The following LGALS12 variants were observed in gnomAD, a reference collection of about 807,000 sequenced individuals.
LGALS12 encodes the protein galectin 12.
A neutral mutation model predicts 36.8 loss-of-function variants in LGALS12; 36 were observed. That is an observed-to-expected ratio of 0.98 (90% CI 0.75 to 1.29). The LOEUF (loss-of-function observed/expected upper bound fraction) is 1.29. Ranked by LOEUF, LGALS12 falls within the 50% of genes most tolerant of loss-of-function variation. The pLI is 0.00. For synonymous variants in LGALS12, 145 were observed against 155.9 expected, an observed-to-expected ratio of 0.93 and a Z score of 0.52; for missense variants, 366 against 394.3, an observed-to-expected ratio of 0.93 and a Z score of 0.61.
At chr11:63,511,238 G>C in intron 6 of LGALS12, 133 bp downstream of exon 6, 1 of 682,168 alleles carries the variant, frequency 1.5e-6, no homozygotes. Context: ...GCAGGCTGTG[G>C]GTGGGCCAGG....
intron 3 of LGALS12, 54 bp downstream of exon 3, chr11:63,509,045 C>A: frequency 7.1e-7 from 1 of 1,406,098 alleles, no homozygotes; most frequent in Non-Finnish European, 1.0e-6. Flanking sequence ...TTGCGCCCTT[C>A]CTTCCCTCAG....
Position 63,511,870 on chromosome 11 carries a change from G to C in LGALS12, c.647+30G>C, listed in dbSNP as rs769379384. On this transcript the variant is annotated intron_variant, in intron 7 of 8. Coordinates refer to ENST00000394618, the MANE Select transcript of LGALS12 (RefSeq NM_033101.4). ...GTATCCAGCATCTAAGTGGAGGGGA[G>C]GGAGCAGCCTCTCTGTGACAGTCAC... The C allele has an allele frequency of 2.1e-6, 3 of 1,398,160 alleles. No individual in the cohort carries two copies. In the South Asian group the frequency reaches 3.5e-5, roughly 16 times the overall value. 86.6% of individuals were successfully genotyped at this position (1,398,160 alleles called of 1,614,324 possible). A position where few individuals can be genotyped will look rare whatever the true frequency, so the allele number is the denominator to read the frequency against.
In LGALS12 at chr11:63,515,786, A is replaced by T. The variant is rs1039548325; in HGVS notation, c.798+73A>T. The T allele has an allele frequency of 2.0e-5, 30 of 1,519,820 alleles. No homozygotes were observed. The African/African-American group carries it at 4.1e-4, about 21-fold the overall frequency. 94.1% of individuals were successfully genotyped at this position (1,519,820 alleles called of 1,614,324 possible). On this transcript the variant is annotated intron_variant, in intron 8 of 8. Coordinates refer to ENST00000394618, the MANE Select transcript of LGALS12 (RefSeq NM_033101.4). ...CTGAAGTCCCATAATGACCTGGGAGATGCTGGGGCAGGTGTGCAGGACAGA... is the reference window on the plus strand; with the variant it reads ...CTGAAGTCCCATAATGACCTGGGAGTTGCTGGGGCAGGTGTGCAGGACAGA...
chr11:63,510,314 G>A, intron 4 of LGALS12, 149 bp from the exon 5 acceptor site: 3 of 764,558 alleles, frequency 3.9e-6, no homozygotes, highest in South Asian at 3.0e-5. Flanking sequence ...GAATTGGGAT[G>A]TTCAAAATGC....
rs2016812719 is a variant in LGALS12 at position 63,508,575 on chromosome 11, T to C, written c.92T>C (p.Ile31Thr). Residue 31 changes from isoleucine (I) to threonine (T), a missense_variant, in exon 2 of 9, where the codon ATT becomes ACT. Coordinates refer to ENST00000394618, the MANE Select transcript of LGALS12 (RefSeq NM_033101.4). ...FHPVVPYVTT[I>T]FGGLHAGKMV... The stretch of plus-strand genomic sequence containing the variant: ...CAGGTGGTTCCTTATGTCACGACGA[T>C]TTTTGGAGGCCTGCATGCAGGCAAG... 6.2e-7 allele frequency: 1 copy of C among 1,614,092 alleles called. No homozygotes were observed.
chr11:63,511,210 C>A, intron 6 of LGALS12, 105 bp downstream of exon 6: 1 of 1,119,544 alleles, frequency 8.9e-7, no homozygotes, highest in Non-Finnish European at 1.3e-6. Flanking sequence ...AGGATTTCCC[C>A]TTCCTTTATA....
In LGALS12 at chr11:63,509,843, G is replaced by C. The variant is rs75807998; in HGVS notation, c.438G>C (p.Thr146=). The part of the protein sequence containing the change: ...RYRLPLSHVD[T]LGIFGDILVE... ...GGCTCCCACTGTCTCATGTGGACAC[G>C]CTGGGTATATTTGGTGACATCCTGG... Residue 146 remains threonine (T), a synonymous_variant, in exon 4 of 9, where the codon ACG becomes ACC. Transcript: ENST00000394618. 7 of 1,614,054 alleles carry C rather than the reference G, an allele frequency of 4.3e-6. No individual in the cohort carries two copies. Among genetic ancestry groups the C allele is most frequent in the Non-Finnish European group, 5.9e-6 (7 of 1,179,900 alleles).
rs538509489 is a variant in LGALS12, at chr11:63,508,245, C to A, written c.70-308C>A. On this transcript the variant is annotated intron_variant, in intron 1 of 8. Transcript: ENST00000394618. ...GGGTGACATCTAGTGGATGGCAAGC[C>A]TCCCTGGGGTCACTGCAGCCTGTTG... is the stretch of plus-strand genomic sequence containing the variant. 4 of 1,221,006 alleles carry A rather than the reference C, an allele frequency of 3.3e-6. No homozygotes were observed. In the African/African-American group the frequency reaches 6.2e-5, roughly 19 times the overall value. The allele number at this position is 1,221,006 out of a possible 1,614,324, so 75.6% of individuals were successfully genotyped here. A position where few individuals can be genotyped will look rare whatever the true frequency, so the allele number is the denominator to read the frequency against.
chr11:63,513,121 A>G (rs1455643166), intron 7 of LGALS12, among the ~76,000 whole-genome samples: 1 of 152,198 alleles, frequency 6.6e-6, no homozygotes, highest in Non-Finnish European at 1.5e-5. Context: ...TTTGTCTCTT[A>G]TAAACAGTGC....
intron 4 of LGALS12, 22 bp downstream of exon 4, chr11:63,509,919 G>T: frequency 1.2e-6 from 2 of 1,611,200 alleles, no homozygotes; most frequent in Non-Finnish European, 1.7e-6. Context: ...TGGGACCAAG[G>T]CCTGGGCAGT....
In LGALS12 at chr11:63,511,080, C is replaced by T. The variant is rs147142589; in HGVS notation, c.533C>T (p.Pro178Leu). Residue 178 changes from proline (P) to leucine (L), a missense_variant and splice_region_variant, in exon 6 of 9, where the codon CCT becomes CTT. Transcript: ENST00000394618. ...EGSREYPAGH[P>L]FLLMSPRLEV... is the part of the protein sequence containing the mutation. ...GTCCTCTCTTTCTTTCCCTGACAGC[C>T]TTTCCTGCTGATGAGCCCCAGGCTG... is the stretch of plus-strand genomic sequence containing the variant. 21 of 1,613,640 alleles carry T rather than the reference C, an allele frequency of 1.3e-5. No homozygotes were observed. The African/African-American group carries it at 2.4e-4, about 18-fold the overall frequency.
rs1271484949 is a variant in LGALS12 at position 63,511,098 on chromosome 11, C to T, written c.551C>T (p.Pro184Leu). The part of the protein sequence containing the change: ...PAGHPFLLMS[P>L]RLEVPCSHAL... Reference sequence around the variant, plus strand: ...TGACAGCCTTTCCTGCTGATGAGCCCCAGGCTGGTGAGTGAACCTCCCTCC... The same window carrying T: ...TGACAGCCTTTCCTGCTGATGAGCCTCAGGCTGGTGAGTGAACCTCCCTCC... Residue 184 changes from proline (P) to leucine (L), a missense_variant, in exon 6 of 9, where the codon CCC (proline) becomes CTC (leucine). Coordinates refer to ENST00000394618, the MANE Select transcript of LGALS12 (RefSeq NM_033101.4). The T allele has an allele frequency of 1.2e-6, 2 of 1,613,650 alleles. No homozygotes were observed. The highest frequency in any genetic ancestry group is 8.5e-7 in the Non-Finnish European group (1 of 1,179,996).
At chr11:63,509,032 T>G in intron 3 of LGALS12, 41 bp downstream of exon 3, 3 of 1,506,580 alleles carry the variant, frequency 2.0e-6, no homozygotes, top group Non-Finnish European at 2.8e-6. Flanking sequence ...AGAATTTGTG[T>G]CCTTGCGCCC....
rs141621705 is a variant in LGALS12, at chr11:63,506,424, G to C, written c.-35G>C. On this transcript the variant is annotated 5_prime_UTR_variant, in exon 1 of 9. Coordinates refer to ENST00000394618, the MANE Select transcript of LGALS12 (RefSeq NM_033101.4). ...CAGCCCAGTGGGGGCAGGGCTCCTG[G>C]AACGAGGATCTACAGTTGGAGTTGC... 1 of 1,614,232 alleles carries C rather than the reference G, an allele frequency of 6.2e-7. No individual in the cohort carries two copies. The highest frequency in any genetic ancestry group is 1.3e-5 in the African/African-American group (1 of 75,044).
At chr11:63,509,095 T>A in intron 3 of LGALS12, 104 bp downstream of exon 3, 1 of 945,342 alleles carries the variant, frequency 1.1e-6, no homozygotes, top group East Asian at 2.6e-5. Context: ...GCATTGGTAG[T>A]GGTCAGGTAC....
At chr11:63,508,028 A>G in intron 1 of LGALS12, 1 of 993,272 alleles carries the variant, frequency 1.0e-6, no homozygotes, top group Non-Finnish European at 1.2e-6. Context: ...CATGAGCCAC[A>G]GAGCCCAGCC....
In LGALS12 at chr11:63,511,839, C is replaced by G; in HGVS notation, c.646C>G (p.His216Asp). The change falls in exon 7 of 9, where the codon CAT (histidine) becomes GAT (aspartate). Residue 216 changes from histidine (H) to aspartate (D), a missense_variant and splice_region_variant. His to Asp is a moderately conservative substitution (Grantham distance 81). Coordinates refer to ENST00000394618, the MANE Select transcript of LGALS12 (RefSeq NM_033101.4). ...VRGLVLQEPKHFTVSLRDQAA... is the reference protein window; with the variant it reads ...VRGLVLQEPKDFTVSLRDQAA... ...GGGACTGGTCTTGCAAGAGCCGAAG[C>G]AGTAAGTATCCAGCATCTAAGTGGA... 1.2e-6 allele frequency: 2 copies of G among 1,606,008 alleles called. No individual in the cohort carries two copies. The highest frequency in any genetic ancestry group is 8.5e-7 in the Non-Finnish European group (1 of 1,172,968).
chr11:63,515,508 A>T, intron 7 of LGALS12, 55 bp from the exon 8 acceptor site: 1 of 1,596,968 alleles, frequency 6.3e-7, no homozygotes. Context: ...GGGGCTGAGC[A>T]GCGGCCTATG....
Position 63,509,813 on chromosome 11 carries a change from C to T in LGALS12, c.408C>T (p.Arg136=). The T allele has an allele frequency of 6.2e-7, 1 of 1,614,196 alleles. No homozygotes were observed. Among genetic ancestry groups the T allele is most frequent in the Non-Finnish European group, 8.5e-7 (1 of 1,180,018 alleles). The stretch of plus-strand genomic sequence containing the variant: ...ATGGACAGCACTTTCTCCACTTCCG[C>T]TACCGGCTCCCACTGTCTCATGTGG... ...SVNGQHFLHF[R]YRLPLSHVDT... The change falls in exon 4 of 9, where the codon CGC becomes CGT. Residue 136 remains arginine (R), a synonymous_variant. Coordinates refer to ENST00000394618, the MANE Select transcript of LGALS12 (RefSeq NM_033101.4).
Sources: gnomAD v4.1 joint callset for allele counts (sites outside exome capture counted in the v4.1 genomes callset) on GRCh38, gnomAD v4.1.1 for gene constraint, MANE v1.5 for transcripts, NCBI Gene and HGNC (gene_info 2026-07-23, HGNC 2026-07-21) for gene names.